CPLANE1: variants seen among roughly 807,000 people sequenced by gnomAD.
CPLANE1 encodes ciliogenesis and planar polarity effector complex subunit 1.
Under a neutral mutation model 362.5 loss-of-function variants are expected in CPLANE1, and 263 were observed. The ratio of observed to expected loss-of-function variants is 0.73; its 90% CI spans 0.66 to 0.80. The LOEUF (loss-of-function observed/expected upper bound fraction) is 0.80, where lower values mean the gene tolerates loss of function less well. Among genes scored for constraint, CPLANE1 ranks in the 30% least tolerant of loss-of-function variants. The pLI is 0.00. For synonymous variants in CPLANE1, 1,212 were observed against 1,302.6 expected (o/e 0.93, Z 1.50); for missense variants, 3,461 against 3,793.4 (o/e 0.91, Z 2.30).
At chr5:37,238,766 T>C (rs1050481950) in intron 8 of CPLANE1, 91 bp downstream of exon 8, 1 of 610,992 alleles carries the variant, frequency 1.6e-6, no homozygotes, top group Non-Finnish European at 2.6e-6. Context: ...CCCAAAGTGC[T>C]AGAATTACAG....
At chr5:37,245,664 T>TA (rs1009880077) in intron 3 of CPLANE1, 46 bp downstream of exon 3, 451 of 1,476,042 alleles carry the variant, frequency 3.1e-4, no homozygotes, top group Non-Finnish European at 3.7e-4. Flanking sequence ...CCTAAGTTAT[T>TA]AAAAAATATA....
chr5:37,229,795 G>T (rs1797301409), intron 9 of CPLANE1, among the ~76,000 whole-genome samples: 1 of 152,044 alleles, frequency 6.6e-6, no homozygotes. Flanking sequence ...TAAACCCTAA[G>T]ACACAATTAG....
intron 2 of CPLANE1, 52 bp from the exon 3 acceptor site, chr5:37,245,897 C>T: frequency 4.3e-6 from 6 of 1,411,512 alleles, no homozygotes; most frequent in Non-Finnish European, 5.6e-6. Context: ...ATTAATTCAA[C>T]TTACTGCCTA....
chr5:37,157,808 G>T lies in CPLANE1; in HGVS notation c.7873C>A (p.Pro2625Thr), dbSNP rs780364860. 2.5e-6 allele frequency: 4 copies of T among 1,613,214 alleles called. No homozygotes were observed. In the African/African-American group the frequency reaches 5.3e-5, roughly 22 times the overall value. The part of the protein sequence containing the change: ...IEANDLLQEL[P>T]VREEPSNDNV... Reference sequence around the variant, plus strand: ...TCATTTGAAGGCTCTTCTCTCACAGGTAATTCCTGTAGAAGATCATTAGCT... The same window carrying T: ...TCATTTGAAGGCTCTTCTCTCACAGTTAATTCCTGTAGAAGATCATTAGCT... Residue 2625 changes from proline to threonine, a missense_variant, in exon 40 of 53, where the codon CCT (proline) becomes ACT (threonine). Physicochemically the swap from Pro to Thr is conservative, Grantham distance 38. Around this residue, in one of 2 missense-constraint regions of CPLANE1, gnomAD observed 3,380 missense variants for 3,666.1 expected, o/e 0.92. Transcript: ENST00000651892.
chr5:37,171,071 T>C (rs1479173058), intron 32 of CPLANE1, among the ~76,000 whole-genome samples: 2 of 152,218 alleles, frequency 1.3e-5, no homozygotes, highest in East Asian at 1.9e-4. Flanking sequence ...CAGACACCAG[T>C]TGTCCCCAAA....
At chr5:37,146,537 A>G (rs1771652452) in intron 43 of CPLANE1, among the ~76,000 whole-genome samples, 1 of 152,164 alleles carries the variant, frequency 6.6e-6, no homozygotes, top group Non-Finnish European at 1.5e-5. Context: ...TAGATATATA[A>G]GTATATTAAG....
intron 36 of CPLANE1, 96 bp from the exon 37 acceptor site, chr5:37,164,423 G>T (rs1165160938): frequency 1.2e-6 from 1 of 838,660 alleles, no homozygotes; most frequent in Non-Finnish European, 1.9e-6. Context: ...GAATTCTCAT[G>T]TATAACTTCA....
intron 38 of CPLANE1, among the ~76,000 whole-genome samples, chr5:37,159,085 A>G (rs1365510581): frequency 7.5e-6 from 1 of 133,444 alleles, no homozygotes; most frequent in Non-Finnish European, 1.6e-5. Context: ...CGCCCAGCTA[A>G]TTCACATTCT....
intron 46 of CPLANE1, among the ~76,000 whole-genome samples, chr5:37,131,073 G>A (rs1765632489): frequency 6.6e-6 from 1 of 152,186 alleles, no homozygotes; most frequent in Admixed American, 6.5e-5. Context: ...GAAGTGATGA[G>A]TACTTTGCCA....
chr5:37,140,728 A>G (rs916982560), intron 44 of CPLANE1: 3 of 985,374 alleles, frequency 3.0e-6, no homozygotes, highest in African/African-American at 1.7e-5. Context: ...AGTGTTTGTC[A>G]TCAAAGGTTG....
At chr5:37,238,221 G>A (rs149513242) in intron 8 of CPLANE1, among the ~76,000 whole-genome samples, 1 of 152,222 alleles carries the variant, frequency 6.6e-6, no homozygotes, top group Non-Finnish European at 1.5e-5. Context: ...CATCCAGGCT[G>A]GAGTGCAGTA....
intron 8 of CPLANE1, 55 bp from the exon 9 acceptor site, chr5:37,231,104 C>T (rs138177868): frequency 2.0e-5 from 26 of 1,318,484 alleles, no homozygotes; most frequent in African/African-American, 7.5e-5. Context: ...ATGTCTATGA[C>T]GATTTAAAAT....
Position 37,238,847 on chromosome 5 carries a change from G to C in CPLANE1, c.938+10C>G, listed in dbSNP as rs1308998312. On this transcript the variant is annotated intron_variant, in intron 8 of 52. Transcript: ENST00000651892. ...AAAAAGAAAAAAAAGACAGACAAAA[G>C]AGTTCTTACCTAATAAGTGTAGCTG... 2 of 1,419,274 alleles carry C rather than the reference G, an allele frequency of 1.4e-6. No homozygotes were observed. The highest frequency in any genetic ancestry group is 1.9e-6 in the Non-Finnish European group (2 of 1,058,186). 87.9% of individuals were successfully genotyped at this position (1,419,274 alleles called of 1,614,324 possible). A position where few individuals can be genotyped will look rare whatever the true frequency, so the allele number is the denominator to read the frequency against.
chr5:37,207,907 GTTTT>G (rs143674763), intron 16 of CPLANE1, among the ~76,000 whole-genome samples: 3 of 151,152 alleles, frequency 2.0e-5, no homozygotes, highest in African/African-American at 7.3e-5. Context: ...TCCTTCTCTA[GTTTT>G]TTTTTGTTTG....
At chr5:37,248,555 A>T (rs1441981334) in intron 1 of CPLANE1, among the ~76,000 whole-genome samples, 5 of 152,132 alleles carry the variant, frequency 3.3e-5, no homozygotes, top group Non-Finnish European at 7.4e-5. Flanking sequence ...TGAGATGGGA[A>T]GATCGCTTGA....
At chr5:37,240,474 G>A (rs190721130) in intron 6 of CPLANE1, among the ~76,000 whole-genome samples, 11 of 152,148 alleles carry the variant, frequency 7.2e-5, no homozygotes, top group South Asian at 2.1e-4. Context: ...TTTTAACCAC[G>A]GCAGAAAGGA....
intron 16 of CPLANE1, among the ~76,000 whole-genome samples, chr5:37,212,957 A>G (rs72736761): frequency 0.028 from 4,334 of 152,326 alleles, 95 homozygotes; most frequent in Middle Eastern, 0.12. Flanking sequence ...GCACGCCTAT[A>G]ATCCCAGCAG....
At position 37,170,232 on chromosome 5, in the gene CPLANE1, GCA is replaced by G. The variant is rs768675259; in HGVS notation, c.6269_6270del (p.Val2090AlafsTer15). On this transcript the variant is annotated frameshift_variant, in exon 33 of 53. Transcript: ENST00000651892. LOFTEE classifies it high-confidence loss of function. ...TQQLVQQSQS[V>X]HLGESQESNL... ...TTTGATTCTTGGCTTTCCCCTAAATGCACAGACTGAGACTGCTGTACAAGTTG... is the reference window on the plus strand; with the variant it reads ...TTTGATTCTTGGCTTTCCCCTAAATGCAGACTGAGACTGCTGTACAAGTTG... 1.9e-5 allele frequency: 31 copies of G among 1,614,016 alleles called. No homozygotes were observed. Among genetic ancestry groups the G allele is most frequent in the Non-Finnish European group, 2.5e-5 (29 of 1,180,032 alleles).
intron 46 of CPLANE1, among the ~76,000 whole-genome samples, chr5:37,138,186 G>GCA (rs1768379247): frequency 4.6e-5 from 7 of 152,228 alleles, no homozygotes; most frequent in African/African-American, 1.7e-4. Context: ...AGTTTCATAG[G>GCA]TCTATAACTA....
Sources: allele counts gnomAD v4.1 joint callset (sites outside exome capture counted in the v4.1 genomes callset), GRCh38; gene constraint gnomAD v4.1.1; regional missense constraint gnomAD v4.1.1; transcripts MANE v1.5; gene names NCBI Gene and HGNC (gene_info 2026-07-23, HGNC 2026-07-21).